VPS13B: variants seen among roughly 807,000 people sequenced by gnomAD.
VPS13B encodes the protein vacuolar protein sorting 13 homolog B.
VPS13B carries 285 observed loss-of-function variants against 426.4 expected under a neutral mutation model. The ratio of observed to expected loss-of-function variants is 0.67; its 90% CI spans 0.61 to 0.74. VPS13B has a LOEUF of 0.74. VPS13B is among the 30% of genes least tolerant of loss of function. The pLI is 0.00. For synonymous variants in VPS13B, 1,676 were observed against 1,676.4 expected (o/e 1.00, Z 0.01); for missense variants, 4,537 against 4,782.6 (o/e 0.95, Z 1.51).
rs538781710 is a variant in VPS13B, at chr8:99,138,281, C to T, written c.1651+1529C>T. ...GGCTGGGACTACAGGCATGCGCTGC[C>T]ATGCCTGGCTAATTTTTGTATTTTT... is the stretch of plus-strand genomic sequence containing the variant. On this transcript the variant is annotated intron_variant, in intron 12 of 61. Transcript: ENST00000357162. Among the ~76,000 whole-genome samples the T allele has an allele frequency of 1.6e-4, 25 of 152,320 alleles. No individual in the cohort carries two copies. In the East Asian group the frequency reaches 4.4e-3, roughly 27 times the overall value.
intron 8 of VPS13B, among the ~76,000 whole-genome samples, chr8:99,122,157 C>T (rs1847981091): frequency 6.6e-6 from 1 of 151,692 alleles, no homozygotes; most frequent in Admixed American, 6.6e-5. Flanking sequence ...TCACGCCCAG[C>T]CTCATAACAA....
intron 27 of VPS13B, among the ~76,000 whole-genome samples, chr8:99,504,430 G>T (rs947746390): frequency 3.3e-5 from 5 of 152,190 alleles, no homozygotes; most frequent in African/African-American, 9.6e-5. Flanking sequence ...TAAGTAATAA[G>T]TCTTGAAAGA....
intron 17 of VPS13B, among the ~76,000 whole-genome samples, chr8:99,246,925 T>A (rs1451856683): frequency 6.6e-6 from 1 of 152,214 alleles, no homozygotes; most frequent in Non-Finnish European, 1.5e-5. Context: ...TTGTTGGTAC[T>A]TTAGGCAATC....
At chr8:99,867,933 C>G in intron 58 of VPS13B, 1 of 347,770 alleles carries the variant, frequency 2.9e-6, no homozygotes, top group South Asian at 2.4e-5. Context: ...AACAGTCTTT[C>G]TCTGCTCCTG....
At chr8:99,539,989 GA>G (rs1436441968) in intron 30 of VPS13B, among the ~76,000 whole-genome samples, 1 of 102,350 alleles carries the variant, frequency 9.8e-6, no homozygotes, top group East Asian at 2.9e-4. Flanking sequence ...AGAAATAAAT[GA>G]GTTATATAAA....
chr8:99,877,170 C>T lies in VPS13B; in HGVS notation c.*1504C>T, dbSNP rs779903590. 5 of 152,154 alleles carry T rather than the reference C, an allele frequency of 3.3e-5. No homozygotes were observed. Among genetic ancestry groups the T allele is most frequent in the Non-Finnish European group, 5.9e-5 (4 of 68,046 alleles). 9.4% of individuals were successfully genotyped at this position (152,154 alleles called of 1,614,324 possible). ...GCCACCATGCCCAACACCCACTGAT[C>T]TTTAACTCTCACATGTTGGGCATAA... On this transcript the variant is annotated 3_prime_UTR_variant, in exon 62 of 62. Coordinates refer to ENST00000357162, the MANE Select transcript of VPS13B (RefSeq NM_152564.5).
chr8:99,202,539 A>G (rs1563599908), intron 17 of VPS13B, among the ~76,000 whole-genome samples: 1 of 152,216 alleles, frequency 6.6e-6, no homozygotes, highest in Non-Finnish European at 1.5e-5. Flanking sequence ...AATTTCTGAA[A>G]TTAAGGCAGT....
chr8:99,564,915 C>T (rs541615137), intron 31 of VPS13B, among the ~76,000 whole-genome samples: 3 of 152,314 alleles, frequency 2.0e-5, no homozygotes, highest in African/African-American at 7.2e-5. Context: ...GTTAGCTAAT[C>T]ACTTTCTTTT....
At position 99,556,591 on chromosome 8, in the gene VPS13B, G is replaced by A. The variant is rs747778744; in HGVS notation, c.4887G>A (p.Gly1629=). The A allele has an allele frequency of 2.5e-6, 4 of 1,613,146 alleles. No individual in the cohort carries two copies. In the South Asian group the frequency reaches 4.4e-5, roughly 18 times the overall value. ...CAGAGAAGGAAAGTGTCTCAGGAGGGGTGGTAACAGAGACTGAAAGGAATT... is the reference window on the plus strand; with the variant it reads ...CAGAGAAGGAAAGTGTCTCAGGAGGAGTGGTAACAGAGACTGAAAGGAATT... The part of the protein sequence containing the change: ...LKPEKESVSG[G]VVTETERNSQ... The change falls in exon 31 of 62, where the codon GGG becomes GGA. Residue 1629 remains glycine, a synonymous_variant. Coordinates refer to ENST00000357162, the MANE Select transcript of VPS13B (RefSeq NM_152564.5).
chr8:99,330,481 C>T (rs1347596834), intron 19 of VPS13B, among the ~76,000 whole-genome samples: 3 of 71,018 alleles, frequency 4.2e-5, no homozygotes, highest in Non-Finnish European at 1.1e-4. Flanking sequence ...ATAGTTGTTT[C>T]TTACCCCTGA....
At chr8:99,127,201 A>G (rs76691691) in intron 8 of VPS13B, among the ~76,000 whole-genome samples, 6,075 of 152,158 alleles carry the variant, frequency 0.04, 184 homozygotes, top group Middle Eastern at 0.071. Flanking sequence ...TGACCTTTAA[A>G]TGTTGGCATA....
intron 28 of VPS13B, chr8:99,507,809 T>TA: frequency 6.2e-7 from 1 of 1,613,908 alleles, no homozygotes; most frequent in Non-Finnish European, 8.5e-7. Context: ...AATGTGGAGG[T>TA]GTCTTCCTTT....
intron 21 of VPS13B, among the ~76,000 whole-genome samples, chr8:99,414,824 G>A (rs553508568): frequency 5.9e-5 from 9 of 152,232 alleles, no homozygotes; most frequent in South Asian, 4.1e-4. Context: ...TGGGTAACCC[G>A]AACTTTCTCT....
chr8:99,191,333 C>G (rs1470635994), intron 16 of VPS13B, among the ~76,000 whole-genome samples: 1 of 149,334 alleles, frequency 6.7e-6, no homozygotes, highest in Admixed American at 6.7e-5. Flanking sequence ...TAGTGTCCCA[C>G]GTCCCATTAA....
chr8:99,471,276 G>T (rs1243542677), intron 24 of VPS13B, among the ~76,000 whole-genome samples: 1 of 152,112 alleles, frequency 6.6e-6, no homozygotes, highest in African/African-American at 2.4e-5. Context: ...TTAAAAATAT[G>T]TGTGACTCTT....
In VPS13B at chr8:99,029,276, C is replaced by T. The variant is rs553711618; in HGVS notation, c.148-9147C>T. Reference sequence around the variant, plus strand: ...AGATGGGATGGCGGCCGGGCAGAGACGCTCCTCACTTTCCAGACTGGGCAG... The same window carrying T: ...AGATGGGATGGCGGCCGGGCAGAGATGCTCCTCACTTTCCAGACTGGGCAG... On this transcript the variant is annotated intron_variant, in intron 2 of 61. Transcript: ENST00000357162. 2.9e-3 allele frequency among the ~76,000 whole-genome samples: 430 copies of T among 150,386 alleles called. 3 individuals are homozygous for T. Among genetic ancestry groups the T allele is most frequent in the African/African-American group, 9.9e-3 (403 of 40,822 alleles).
chr8:99,206,327 A>T (rs1177806901), intron 17 of VPS13B, among the ~76,000 whole-genome samples: 1 of 152,222 alleles, frequency 6.6e-6, no homozygotes, highest in East Asian at 1.9e-4. Context: ...TTAAAATAAA[A>T]ATCTACTTTC....
At chr8:99,191,376 CTT>C (rs35215814) in intron 16 of VPS13B, among the ~76,000 whole-genome samples, 32 of 70,940 alleles carry the variant, frequency 4.5e-4, no homozygotes, top group African/African-American at 1.5e-3. Flanking sequence ...CTCTCTCTCT[CTT>C]TTTTTTTTTT....
intron 23 of VPS13B, among the ~76,000 whole-genome samples, chr8:99,461,353 C>T (rs1427418281): frequency 2.0e-5 from 3 of 152,092 alleles, no homozygotes; most frequent in Non-Finnish European, 4.4e-5. Flanking sequence ...TGATTACATA[C>T]TCTCTCAGAT....
Sources: gnomAD v4.1 joint callset for allele counts (sites outside exome capture counted in the v4.1 genomes callset) on GRCh38, gnomAD v4.1.1 for gene constraint, MANE v1.5 for transcripts, NCBI Gene and HGNC (gene_info 2026-07-23, HGNC 2026-07-21) for gene names.